Variants in PKD2L2 observed in about 807,000 individuals in gnomAD.
PKD2L2 encodes polycystin 2 like 2, transient receptor potential cation channel.
Under a neutral mutation model 83.9 loss-of-function variants are expected in PKD2L2, and 67 were observed. The ratio of observed to expected loss-of-function variants is 0.80; its 90% CI spans 0.66 to 0.98. The LOEUF is 0.98. Ranked by LOEUF, PKD2L2 falls within the 50% of genes least tolerant of loss-of-function variation. The pLI is 0.00. For synonymous variants in PKD2L2, 223 were observed against 237.8 expected (o/e 0.94, Z 0.57); for missense variants, 632 against 717.2 (o/e 0.88, Z 1.36).
At chr5:137,898,209 C>T (rs1561677448) in intron 4 of PKD2L2, among the ~76,000 whole-genome samples, 2 of 152,068 alleles carry the variant, frequency 1.3e-5, no homozygotes, top group Non-Finnish European at 2.9e-5. Context: ...TCAAGTAATC[C>T]GCCCACCTCA....
chr5:137,927,724 TCTTGTAA>T (rs1561704246), intron 12 of PKD2L2, among the ~76,000 whole-genome samples: 1 of 152,188 alleles, frequency 6.6e-6, no homozygotes, highest in Non-Finnish European at 1.5e-5. Context: ...TTTGTATTGT[TCTTGTAA>T]CTTGTATCTA....
At chr5:137,909,203 C>A (rs1757606896) in intron 8 of PKD2L2, among the ~76,000 whole-genome samples, 1 of 151,948 alleles carries the variant, frequency 6.6e-6, no homozygotes, top group East Asian at 1.9e-4. Flanking sequence ...TGGTTGATTA[C>A]ATTTTTATTA....
At chr5:137,927,445 G>A (rs936975646) in intron 12 of PKD2L2, among the ~76,000 whole-genome samples, 2 of 152,206 alleles carry the variant, frequency 1.3e-5, no homozygotes, top group African/African-American at 4.8e-5. Flanking sequence ...CAGATTAAAT[G>A]AGATTAAAAT....
chr5:137,941,581 A>C (rs900851934), intron 14 of PKD2L2, among the ~76,000 whole-genome samples: 1 of 152,210 alleles, frequency 6.6e-6, no homozygotes, highest in Non-Finnish European at 1.5e-5. Context: ...TAAAATAAAA[A>C]ATCCAAACTA....
intron 12 of PKD2L2, among the ~76,000 whole-genome samples, chr5:137,933,595 T>G (rs1270386087): frequency 6.6e-6 from 1 of 152,140 alleles, no homozygotes; most frequent in Non-Finnish European, 1.5e-5. Flanking sequence ...TCCTACCCAT[T>G]CCGTATCATT....
At chr5:137,934,063 G>C (rs1760103449) in intron 12 of PKD2L2, among the ~76,000 whole-genome samples, 1 of 152,144 alleles carries the variant, frequency 6.6e-6, no homozygotes, top group South Asian at 2.1e-4. Flanking sequence ...TTAAAAAGAG[G>C]GAGTTTGGTA....
At position 137,942,367 on chromosome 5, in the gene PKD2L2, T is replaced by G; in HGVS notation, c.*18-17T>G. On this transcript the variant is annotated splice_polypyrimidine_tract_variant and intron_variant, in intron 14 of 14. Transcript: ENST00000508883. ...TAAATCAACTGTAGGATTTTATTTGTTTGTTTCCTTTTTTAGAGACAGAGT... is the reference window on the plus strand; with the variant it reads ...TAAATCAACTGTAGGATTTTATTTGGTTGTTTCCTTTTTTAGAGACAGAGT... 3.7e-6 allele frequency: 1 copy of G among 272,328 alleles called. No individual in the cohort carries two copies. The highest frequency in any genetic ancestry group is 2.2e-5 in the African/African-American group (1 of 45,420). The allele number at this position is 272,328 out of a possible 1,614,324, so 16.9% of individuals were successfully genotyped here. A position where few individuals can be genotyped will look rare whatever the true frequency, so the allele number is the denominator to read the frequency against.
At chr5:137,897,033 ATATTATTAT>A (rs10536140) in intron 4 of PKD2L2, among the ~76,000 whole-genome samples, 19,322 of 136,872 alleles carry the variant, frequency 0.14, 1,632 homozygotes, top group East Asian at 0.35. Flanking sequence ...ATACATTATT[ATATTATTAT>A]TATTATTATT....
intron 4 of PKD2L2, 103 bp from the exon 5 acceptor site, chr5:137,899,413 G>T (rs1756766267): frequency 2.5e-6 from 2 of 802,652 alleles, no homozygotes; most frequent in Non-Finnish European, 4.0e-6. Flanking sequence ...CAGCGCACTT[G>T]GCCAAAAAAC....
chr5:137,889,515 C>T lies in PKD2L2; in HGVS notation c.24C>T (p.His8=). The change falls in exon 1 of 15, where the codon CAC becomes CAT. Residue 8 remains histidine (H), a synonymous_variant. Transcript: ENST00000508883. ...CCATGGCTGAGGCGTCACGGTGGCACCGAGGCGGTGAGGGGTCCTCTTAAG... is the reference window on the plus strand; with the variant it reads ...CCATGGCTGAGGCGTCACGGTGGCATCGAGGCGGTGAGGGGTCCTCTTAAG... MAEASRW[H]RGGASKHKLH... is the part of the protein sequence containing the mutation. 6.4e-7 allele frequency: 1 copy of T among 1,556,102 alleles called. No individual in the cohort carries two copies. Among genetic ancestry groups the T allele is most frequent in the Non-Finnish European group, 8.6e-7 (1 of 1,159,024 alleles).
chr5:137,932,471 AATTG>A (rs1759955027), intron 12 of PKD2L2, among the ~76,000 whole-genome samples: 1 of 152,230 alleles, frequency 6.6e-6, no homozygotes, highest in Admixed American at 6.5e-5. Flanking sequence ...TACTACAGTG[AATTG>A]ATTACTACAC....
intron 14 of PKD2L2, chr5:137,940,095 C>T: frequency 6.2e-7 from 1 of 1,614,060 alleles, no homozygotes; most frequent in Non-Finnish European, 8.5e-7. Context: ...TTTAGTGGCA[C>T]CACAACCAAG....
At chr5:137,921,051 G>C (rs561982544) in intron 8 of PKD2L2, among the ~76,000 whole-genome samples, 20 of 152,148 alleles carry the variant, frequency 1.3e-4, no homozygotes, top group Non-Finnish European at 2.8e-4. Flanking sequence ...TTAGTAAACA[G>C]GTATCTCAGG....
chr5:137,922,342 T>C (rs888044060), intron 9 of PKD2L2, among the ~76,000 whole-genome samples: 1 of 152,188 alleles, frequency 6.6e-6, no homozygotes, highest in Admixed American at 6.5e-5. Flanking sequence ...GGGGTAAGAA[T>C]ATCCTTTCTA....
intron 14 of PKD2L2, chr5:137,940,372 A>T: frequency 6.4e-7 from 1 of 1,560,466 alleles, no homozygotes; most frequent in Non-Finnish European, 8.7e-7. Context: ...TAAAATTTGT[A>T]ATGTTCTAGA....
chr5:137,891,140 G>T (rs904000009), intron 2 of PKD2L2, among the ~76,000 whole-genome samples: 4 of 152,158 alleles, frequency 2.6e-5, no homozygotes, highest in Non-Finnish European at 4.4e-5. Context: ...ATGCAAAGAG[G>T]AGTATTAAAG....
chr5:137,928,510 A>G (rs776925278), intron 12 of PKD2L2, among the ~76,000 whole-genome samples: 2 of 152,170 alleles, frequency 1.3e-5, no homozygotes, highest in Non-Finnish European at 2.9e-5. Context: ...AGCTCACTGC[A>G]GCCTCGACCT....
intron 14 of PKD2L2, chr5:137,941,876 A>G: frequency 7.7e-7 from 1 of 1,298,356 alleles, no homozygotes; most frequent in Non-Finnish European, 1.1e-6. Context: ...GTATTCCATT[A>G]TTTCAACATA....
chr5:137,889,872 C>A, intron 1 of PKD2L2: 1 of 297,068 alleles, frequency 3.4e-6, no homozygotes, highest in Admixed American at 5.1e-5. Context: ...CCAGCAGAAA[C>A]CAGCCTTCCC....
Sources: gnomAD v4.1 joint callset for allele counts (sites outside exome capture counted in the v4.1 genomes callset) on GRCh38, gnomAD v4.1.1 for gene constraint, MANE v1.5 for transcripts, NCBI Gene and HGNC (gene_info 2026-07-23, HGNC 2026-07-21) for gene names.